Variants in CNTNAP2 observed in about 807,000 individuals in gnomAD.
The protein encoded by CNTNAP2 is contactin associated protein 2.
Under a neutral mutation model 155.2 loss-of-function variants are expected in CNTNAP2, and 98 were observed. The observed-to-expected ratio is 0.63, with a 90% CI of 0.54 to 0.75. CNTNAP2 has a LOEUF of 0.75. Among genes scored for constraint, CNTNAP2 ranks in the 30% least tolerant of loss-of-function variants. The pLI, the probability that CNTNAP2 is intolerant of heterozygous loss-of-function variation, is 0.00. For missense variants in CNTNAP2, 1,727 were observed against 1,688.1 expected, an observed-to-expected ratio of 1.02 and a Z score of -0.40; for synonymous variants, 651 against 631.2, an observed-to-expected ratio of 1.03 and a Z score of -0.47.
intron 10 of CNTNAP2, among the ~76,000 whole-genome samples, chr7:147,457,114 T>C (rs2116579584): frequency 6.6e-6 from 1 of 152,286 alleles, no homozygotes; most frequent in Middle Eastern, 3.4e-3. Context: ...TTCTCATATG[T>C]CTATTCCAAA....
At chr7:147,540,777 G>A (rs1051495567) in intron 11 of CNTNAP2, among the ~76,000 whole-genome samples, 1 of 151,926 alleles carries the variant, frequency 6.6e-6, no homozygotes, top group African/African-American at 2.4e-5. Flanking sequence ...GTCGCAATGA[G>A]CCGAGATGGT....
At chr7:147,176,754 T>C (rs1348953577) in intron 8 of CNTNAP2, among the ~76,000 whole-genome samples, 5 of 107,218 alleles carry the variant, frequency 4.7e-5, no homozygotes, top group South Asian at 2.6e-4. Flanking sequence ...TTATAATATA[T>C]AATTATAATT....
At chr7:146,697,784 G>A (rs909089075) in intron 1 of CNTNAP2, among the ~76,000 whole-genome samples, 1 of 151,966 alleles carries the variant, frequency 6.6e-6, no homozygotes, top group Non-Finnish European at 1.5e-5. Context: ...CACATTTAAA[G>A]TGATTAATGA....
At chr7:148,349,604 CG>C (rs1798391852) in intron 21 of CNTNAP2, among the ~76,000 whole-genome samples, 1 of 151,884 alleles carries the variant, frequency 6.6e-6, no homozygotes, top group African/African-American at 2.4e-5. Context: ...GGTTTCACTG[CG>C]TTAGACAGGA....
At chr7:146,688,969 A>T (rs1800650949) in intron 1 of CNTNAP2, among the ~76,000 whole-genome samples, 2 of 152,180 alleles carry the variant, frequency 1.3e-5, no homozygotes, top group South Asian at 4.1e-4. Flanking sequence ...TTCTATGTTC[A>T]TCTTTTATTA....
At chr7:147,404,417 A>G (rs1057175221) in intron 10 of CNTNAP2, among the ~76,000 whole-genome samples, 2 of 152,180 alleles carry the variant, frequency 1.3e-5, no homozygotes, top group African/African-American at 4.8e-5. Context: ...CAGTTTTCTC[A>G]TGGGGTCATC....
At chr7:146,854,438 G>A (rs1238551078) in intron 3 of CNTNAP2, among the ~76,000 whole-genome samples, 1 of 152,158 alleles carries the variant, frequency 6.6e-6, no homozygotes, top group East Asian at 1.9e-4. Context: ...TGGAATCAAG[G>A]TACACCTCTG....
At chr7:146,823,189 A>G (rs1803322906) in intron 2 of CNTNAP2, among the ~76,000 whole-genome samples, 1 of 149,366 alleles carries the variant, frequency 6.7e-6, no homozygotes, top group Non-Finnish European at 1.5e-5. Context: ...ACATGGAAAT[A>G]TACTCATTCT....
chr7:148,062,325 G>A (rs564036252), intron 15 of CNTNAP2, among the ~76,000 whole-genome samples: 53 of 152,024 alleles, frequency 3.5e-4, no homozygotes, highest in Non-Finnish European at 6.2e-4. Context: ...TATGGCAAGC[G>A]ATTCATTTTG....
At chr7:146,821,391 C>G (rs1803280132) in intron 2 of CNTNAP2, among the ~76,000 whole-genome samples, 2 of 152,064 alleles carry the variant, frequency 1.3e-5, no homozygotes, top group South Asian at 2.1e-4. Context: ...ATTTGCTTGT[C>G]TGTAAAGTAT....
intron 2 of CNTNAP2, among the ~76,000 whole-genome samples, chr7:146,825,100 G>A (rs891868465): frequency 2.0e-5 from 3 of 151,948 alleles, no homozygotes; most frequent in African/African-American, 7.3e-5. Context: ...TTATCCTAAT[G>A]TTGTTAATGT....
chr7:148,317,110 C>T (rs1019318719), intron 21 of CNTNAP2, among the ~76,000 whole-genome samples: 1 of 152,178 alleles, frequency 6.6e-6, no homozygotes, highest in African/African-American at 2.4e-5. Flanking sequence ...AATCCCAGCA[C>T]TTTGGGAGGC....
intron 1 of CNTNAP2, among the ~76,000 whole-genome samples, chr7:146,661,748 TAAAG>T (rs1340858523): frequency 2.1e-4 from 28 of 136,202 alleles, no homozygotes; most frequent in South Asian, 1.7e-3. Flanking sequence ...TTTTTTTAAA[TAAAG>T]CTGCAATAAG....
Position 147,389,596 on chromosome 7 carries a change from A to G in CNTNAP2, c.1499-6013A>G, listed in dbSNP as rs527964725. On this transcript the variant is annotated intron_variant, in intron 9 of 23. Coordinates refer to ENST00000361727, the MANE Select transcript of CNTNAP2 (RefSeq NM_014141.6). ...AATATACTGAGTGGACTTCAAATCA[A>G]GTATGAAGTTTTTATATGCAAGTCT... 3.3e-5 allele frequency among the ~76,000 whole-genome samples: 5 copies of G among 152,326 alleles called. No homozygotes were observed. The East Asian group carries it at 9.6e-4, about 29-fold the overall frequency.
chr7:146,285,501 T>G, intron 1 of CNTNAP2, among the ~76,000 whole-genome samples: 1 of 151,722 alleles, frequency 6.6e-6, no homozygotes, highest in Non-Finnish European at 1.5e-5. Context: ...TTAAGAAGGT[T>G]TTATTAAGAA....
chr7:147,951,117 A>G (rs1387080905), intron 14 of CNTNAP2, among the ~76,000 whole-genome samples: 1 of 152,228 alleles, frequency 6.6e-6, no homozygotes, highest in East Asian at 1.9e-4. Context: ...TTTAATTCTC[A>G]GGCCCAGCCG....
chr7:147,050,752 T>C (rs999858080), intron 4 of CNTNAP2, among the ~76,000 whole-genome samples: 2 of 152,064 alleles, frequency 1.3e-5, no homozygotes, highest in Admixed American at 1.3e-4. Flanking sequence ...AATCTTAAGA[T>C]GAAATTTAAG....
intron 8 of CNTNAP2, among the ~76,000 whole-genome samples, chr7:147,258,023 G>A (rs370384648): frequency 1.3e-5 from 2 of 152,104 alleles, no homozygotes; most frequent in African/African-American, 4.8e-5. Context: ...GACATACAAG[G>A]ATGATGATGG....
intron 8 of CNTNAP2, among the ~76,000 whole-genome samples, chr7:147,142,338 G>GT (rs1403981635): frequency 1.3e-5 from 2 of 152,212 alleles, no homozygotes; most frequent in East Asian, 3.9e-4. Context: ...TAATCATGTG[G>GT]TTTTTGTCAT....
Sources: gnomAD v4.1 joint callset for allele counts (sites outside exome capture counted in the v4.1 genomes callset) on GRCh38, gnomAD v4.1.1 for gene constraint, MANE v1.5 for transcripts, NCBI Gene and HGNC (gene_info 2026-07-23, HGNC 2026-07-21) for gene names.